The following POMGNT2 variants were observed in gnomAD, a reference collection of about 807,000 sequenced individuals.
The protein encoded by POMGNT2 is protein O-linked-mannose beta-1,4-N-acetylglucosaminyltransferase 2.
Under a neutral mutation model 37.8 loss-of-function variants are expected in POMGNT2, and 32 were observed. That is an observed-to-expected ratio of 0.85 (90% confidence interval 0.64 to 1.14). POMGNT2 has a LOEUF of 1.14. Ranked by LOEUF, POMGNT2 falls within the 50% of genes most tolerant of loss-of-function variation. The probability of loss-of-function intolerance (pLI) is 0.00; values close to 1 mark genes in which losing one functional copy is unlikely to be tolerated. For missense variants in POMGNT2, 705 were observed against 780.6 expected (o/e 0.90, Z 1.15); for synonymous variants, 340 against 336.8 (o/e 1.01, Z -0.10).
In POMGNT2 at chr3:43,080,291, C is replaced by G; in HGVS notation, c.1141G>C (p.Ala381Pro). The G allele has an allele frequency of 6.2e-7, 1 of 1,614,160 alleles. No individual in the cohort carries two copies. Residue 381 changes from alanine to proline, a missense_variant, in exon 2 of 2, where the codon GCC (alanine) becomes CCC (proline). Coordinates refer to ENST00000344697, the MANE Select transcript of POMGNT2 (RefSeq NM_032806.6). ...PDHYTPYKTL[A>P]MLPGMDLQYV... is the part of the protein sequence containing the mutation. Reference sequence around the variant, plus strand: ...TGGAGGTCCATGCCAGGCAGCATGGCCAGCGTCTTATAGGGAGTGTAGTGG... The same window carrying G: ...TGGAGGTCCATGCCAGGCAGCATGGGCAGCGTCTTATAGGGAGTGTAGTGG...
chr3:43,092,577 T>C (rs2089951868), intron 1 of POMGNT2, among the ~76,000 whole-genome samples: 2 of 152,188 alleles, frequency 1.3e-5, no homozygotes, highest in East Asian at 1.9e-4. Context: ...GAATTACACA[T>C]GTGAACCACC....
At chr3:43,090,144 A>G (rs2089930596) in intron 1 of POMGNT2, among the ~76,000 whole-genome samples, 1 of 152,160 alleles carries the variant, frequency 6.6e-6, no homozygotes, top group African/African-American at 2.4e-5. Context: ...ACCCATTGAT[A>G]ATAAAGAGAA....
At chr3:43,088,241 C>T (rs1241746126) in intron 1 of POMGNT2, among the ~76,000 whole-genome samples, 1 of 152,224 alleles carries the variant, frequency 6.6e-6, no homozygotes, top group Admixed American at 6.5e-5. Flanking sequence ...GTGAGGCAGG[C>T]ACTGTCACTT....
chr3:43,088,677 T>C (rs922723196), intron 1 of POMGNT2, among the ~76,000 whole-genome samples: 5 of 152,216 alleles, frequency 3.3e-5, no homozygotes, highest in African/African-American at 1.2e-4. Context: ...GCCATGTTCC[T>C]ACCCACTGGA....
chr3:43,092,010 A>C (rs1338573347), intron 1 of POMGNT2, among the ~76,000 whole-genome samples: 10 of 152,222 alleles, frequency 6.6e-5, no homozygotes. Context: ...ATCGGAGGAG[A>C]CTAAAGAGAC....
chr3:43,083,641 A>G (rs1325974158), intron 1 of POMGNT2, among the ~76,000 whole-genome samples: 7 of 152,238 alleles, frequency 4.6e-5, no homozygotes, highest in Non-Finnish European at 7.3e-5. Flanking sequence ...TACGTTTCGA[A>G]TAAGTGTAGA....
chr3:43,101,888 A>G (rs894696036), intron 1 of POMGNT2, among the ~76,000 whole-genome samples: 7 of 151,968 alleles, frequency 4.6e-5, no homozygotes, highest in African/African-American at 1.5e-4. Context: ...ATTCCTTCCC[A>G]CACAAAGTGC....
At chr3:43,095,782 C>T (rs1375425869) in intron 1 of POMGNT2, among the ~76,000 whole-genome samples, 1 of 152,162 alleles carries the variant, frequency 6.6e-6, no homozygotes. Context: ...ATCCAGTCTT[C>T]ATTAAAGTGG....
intron 1 of POMGNT2, among the ~76,000 whole-genome samples, chr3:43,083,242 A>C (rs2089870178): frequency 6.6e-6 from 1 of 152,196 alleles, no homozygotes; most frequent in Non-Finnish European, 1.5e-5. Flanking sequence ...AACAGAAACA[A>C]AACAAAACAA....
chr3:43,105,027 A>C (rs1232977610), intron 1 of POMGNT2, among the ~76,000 whole-genome samples: 1 of 152,190 alleles, frequency 6.6e-6, no homozygotes, highest in Non-Finnish European at 1.5e-5. Flanking sequence ...AAGTCCTATC[A>C]AGCTCGCCCC....
At position 43,084,709 on chromosome 3, in the gene POMGNT2, C is replaced by T. The variant is rs116635936; in HGVS notation, c.-105-3173G>A. Among the ~76,000 whole-genome samples the T allele has an allele frequency of 2.1e-3, 324 of 151,546 alleles. 3 individuals are homozygous for T. Among genetic ancestry groups the T allele is most frequent in the African/African-American group, 7.5e-3 (310 of 41,404 alleles). ...CTCTGAAGCTCTGTTAATTTTTTTC[C>T]GGTATTTTTTCTCCCTGTTGTTCAG... On this transcript the variant is annotated intron_variant, in intron 1 of 1. Transcript: ENST00000344697.
At chr3:43,081,956 T>C (rs912727168) in intron 1 of POMGNT2, among the ~76,000 whole-genome samples, 22 of 152,248 alleles carry the variant, frequency 1.4e-4, no homozygotes, top group African/African-American at 5.1e-4. Context: ...GGCCATGCCC[T>C]GTTCTAGTTC....
At position 43,085,010 on chromosome 3, in the gene POMGNT2, CTT is replaced by C. The variant is rs1304578603; in HGVS notation, c.-105-3476_-105-3475del. Among the ~76,000 whole-genome samples the C allele has an allele frequency of 2.7e-5, 4 of 146,064 alleles. No individual in the cohort carries two copies. In the East Asian group the frequency reaches 8.2e-4, roughly 30 times the overall value. ...GGTGGGGGAAAGGAGAGCATTGACT[CTT>C]TACTGTTGGGCGGGGGTGGGCATCC... On this transcript the variant is annotated intron_variant, in intron 1 of 1. Transcript: ENST00000344697.
intron 1 of POMGNT2, among the ~76,000 whole-genome samples, chr3:43,095,366 T>C (rs1298083198): frequency 6.6e-6 from 1 of 152,244 alleles, no homozygotes; most frequent in Non-Finnish European, 1.5e-5. Context: ...AGGACCCCAC[T>C]GCCCTCTGGG....
At position 43,080,139 on chromosome 3, in the gene POMGNT2, G is replaced by C; in HGVS notation, c.1293C>G (p.Val431=). 1 of 1,613,950 alleles carries C rather than the reference G, an allele frequency of 6.2e-7. No homozygotes were observed. The change falls in exon 2 of 2, where the codon GTC becomes GTG. Residue 431 remains valine, a synonymous_variant. Coordinates refer to ENST00000344697, the MANE Select transcript of POMGNT2 (RefSeq NM_032806.6). Reference sequence around the variant, plus strand: ...GGTTCCGGCAACAGAGATGCCGTGGGACCTCACGGCTTTGCAGGATACGGG... The same window carrying C: ...GGTTCCGGCAACAGAGATGCCGTGGCACCTCACGGCTTTGCAGGATACGGG... ...EQARILQSRE[V]PRHLCCRNPE...
At chr3:43,100,242 C>CA (rs1029039855) in intron 1 of POMGNT2, among the ~76,000 whole-genome samples, 3 of 151,080 alleles carry the variant, frequency 2.0e-5, no homozygotes, top group Admixed American at 1.3e-4. Context: ...CAAAAATATT[C>CA]AAAAAAAACT....
intron 1 of POMGNT2, among the ~76,000 whole-genome samples, chr3:43,104,086 T>C (rs992671892): frequency 3.9e-5 from 6 of 152,232 alleles, no homozygotes; most frequent in African/African-American, 1.2e-4. Flanking sequence ...ATTAATTCAA[T>C]TTCACATTTA....
intron 1 of POMGNT2, among the ~76,000 whole-genome samples, chr3:43,082,901 A>C (rs2089867705): frequency 6.6e-6 from 1 of 152,200 alleles, no homozygotes; most frequent in Admixed American, 6.5e-5. Context: ...GAAAGTGAGA[A>C]CAGAGAAGGG....
intron 1 of POMGNT2, among the ~76,000 whole-genome samples, chr3:43,100,720 C>T (rs988112261): frequency 4.6e-5 from 7 of 152,148 alleles, no homozygotes; most frequent in Admixed American, 2.6e-4. Context: ...CAGTTATCAC[C>T]GCTCTCTAGT....
Sources: allele counts gnomAD v4.1 joint callset (sites outside exome capture counted in the v4.1 genomes callset), GRCh38; gene constraint gnomAD v4.1.1; transcripts MANE v1.5; gene names NCBI Gene and HGNC (gene_info 2026-07-23, HGNC 2026-07-21).